VPS13B: variants seen among roughly 807,000 people sequenced by gnomAD.
VPS13B encodes intermembrane lipid transfer protein VPS13B.
VPS13B carries 285 observed loss-of-function variants against 426.4 expected under a neutral mutation model. That is an observed-to-expected ratio of 0.67 (90% CI 0.61 to 0.74). VPS13B has a LOEUF of 0.74. VPS13B is among the 30% of genes least tolerant of loss of function. The probability of loss-of-function intolerance (pLI) is 0.00; values close to 1 mark genes in which losing one functional copy is unlikely to be tolerated. For missense variants in VPS13B, 4,537 were observed against 4,782.6 expected (o/e 0.95, Z 1.51); for synonymous variants, 1,676 against 1,676.4 (o/e 1.00, Z 0.01).
rs1007410442 is a variant in VPS13B at position 99,147,922 on chromosome 8, G to A, written c.1925G>A (p.Ser642Asn). The A allele has an allele frequency of 8.1e-6, 13 of 1,613,568 alleles. No homozygotes were observed. The African/African-American group carries it at 1.3e-4, about 17-fold the overall frequency. The change falls in exon 14 of 62, where the codon AGT (serine) becomes AAT (asparagine). Residue 642 changes from serine to asparagine, a missense_variant. By Grantham distance (46) the Ser-to-Asn change is conservative. Coordinates refer to ENST00000357162, the MANE Select transcript of VPS13B (RefSeq NM_152564.5). ...GAATATATTCCTACTCGACATACAA[G>A]TGTTACTCTCCTCAAATGTACCTGC... is the stretch of plus-strand genomic sequence containing the variant. ...LEEYIPTRHT[S>N]VTLLKCTCTI...
chr8:99,534,320 A>G (rs921756712), intron 30 of VPS13B, among the ~76,000 whole-genome samples: 25 of 152,182 alleles, frequency 1.6e-4, no homozygotes, highest in African/African-American at 5.5e-4. Context: ...GTTGAAAATG[A>G]CGATAAGTTC....
At chr8:99,382,102 T>G (rs530898264) in intron 19 of VPS13B, among the ~76,000 whole-genome samples, 2 of 152,288 alleles carry the variant, frequency 1.3e-5, no homozygotes, top group South Asian at 4.1e-4. Flanking sequence ...CCATTGCCTG[T>G]TTTTTTCAGG....
chr8:99,517,577 A>ATAT (rs1277307507), intron 29 of VPS13B, among the ~76,000 whole-genome samples: 1 of 152,122 alleles, frequency 6.6e-6, no homozygotes, highest in Non-Finnish European at 1.5e-5. Context: ...TTCAACCTGG[A>ATAT]TATTATTTAC....
intron 33 of VPS13B, among the ~76,000 whole-genome samples, chr8:99,627,982 A>G (rs1307884042): frequency 1.3e-5 from 2 of 152,208 alleles, no homozygotes; most frequent in African/African-American, 4.8e-5. Flanking sequence ...GTACTGTGGC[A>G]GAAAAGTAGT....
chr8:99,599,879 G>A (rs1486162335), intron 33 of VPS13B, among the ~76,000 whole-genome samples: 1 of 152,086 alleles, frequency 6.6e-6, no homozygotes, highest in Non-Finnish European at 1.5e-5. Context: ...TCTTTCTGAA[G>A]ACTGGCCCAT....
At chr8:99,493,857 A>C (rs1402323523) in intron 25 of VPS13B, among the ~76,000 whole-genome samples, 2 of 151,842 alleles carry the variant, frequency 1.3e-5, no homozygotes, top group African/African-American at 4.8e-5. Flanking sequence ...CATATGGACA[A>C]AGGACCCTAA....
chr8:99,620,161 G>T (rs764319124), intron 33 of VPS13B, among the ~76,000 whole-genome samples: 2 of 151,936 alleles, frequency 1.3e-5, no homozygotes, highest in Admixed American at 6.6e-5. Context: ...GAAAATTTTC[G>T]TGATGACATT....
Position 99,442,554 on chromosome 8 carries a change from A to C in VPS13B, c.3364A>C (p.Lys1122Gln). 2 of 1,613,960 alleles carry C rather than the reference A, an allele frequency of 1.2e-6. No homozygotes were observed. Among genetic ancestry groups the C allele is most frequent in the Non-Finnish European group, 1.7e-6 (2 of 1,179,908 alleles). The change falls in exon 23 of 62, where the codon AAG becomes CAG. Residue 1122 changes from lysine to glutamine, a missense_variant. Around this residue, in one of 2 missense-constraint regions of VPS13B, gnomAD observed 4,311 missense variants for 4,474.3 expected, o/e 0.96. Coordinates refer to ENST00000357162, the MANE Select transcript of VPS13B (RefSeq NM_152564.5). Reference sequence around the variant, plus strand: ...ACTTGTCCTCTGTTTGCCTCAAATAAAGATTATTAGTGCTGGGCACAAGTA... The same window carrying C: ...ACTTGTCCTCTGTTTGCCTCAAATACAGATTATTAGTGCTGGGCACAAGTA... ...GTLVLCLPQI[K>Q]IISAGHKYME...
intron 30 of VPS13B, among the ~76,000 whole-genome samples, chr8:99,533,086 C>T (rs909319330): frequency 1.4e-4 from 21 of 151,522 alleles, no homozygotes; most frequent in African/African-American, 4.4e-4. Flanking sequence ...ATTACAGGCA[C>T]GCACAACCAC....
At chr8:99,231,532 T>C (rs1402227003) in intron 17 of VPS13B, among the ~76,000 whole-genome samples, 3 of 152,212 alleles carry the variant, frequency 2.0e-5, no homozygotes, top group Non-Finnish European at 4.4e-5. Flanking sequence ...AAGGTTTGTC[T>C]AAAAGAAGGC....
chr8:99,351,433 A>AGTGTGTGTGTGTGT (rs1170377671), intron 19 of VPS13B, among the ~76,000 whole-genome samples: 3 of 143,894 alleles, frequency 2.1e-5, no homozygotes, highest in African/African-American at 7.8e-5. Context: ...AGAGAGAGAG[A>AGTGTGTGTGTGTGT]GAGTGTGTGT....
intron 27 of VPS13B, among the ~76,000 whole-genome samples, chr8:99,504,682 A>G (rs752866038): frequency 6.6e-6 from 1 of 152,170 alleles, no homozygotes; most frequent in African/African-American, 2.4e-5. Flanking sequence ...AGTTGTTCCC[A>G]TGTATAGAGC....
chr8:99,827,542 A>ATT lies in VPS13B; in HGVS notation c.9330+3576_9330+3577dup, dbSNP rs142426991. Reference sequence around the variant, plus strand: ...AAAAAAGCAGCTCCTGGTTTCGTTGATTTTTTTTTTTTTGAAGAGTTTTTT... The same window carrying ATT: ...AAAAAAGCAGCTCCTGGTTTCGTTGATTTTTTTTTTTTTTTGAAGAGTTTTTT... On this transcript the variant is annotated intron_variant, in intron 51 of 61. Coordinates refer to ENST00000357162, the MANE Select transcript of VPS13B (RefSeq NM_152564.5). 3.9e-3 allele frequency among the ~76,000 whole-genome samples: 533 copies of ATT among 137,030 alleles called. 13 individuals are homozygous for ATT. Among genetic ancestry groups the ATT allele is most frequent in the Admixed American group, 0.017 (234 of 13,780 alleles). 89.9% of individuals were successfully genotyped at this position (137,030 alleles called of 152,430 possible).
intron 19 of VPS13B, among the ~76,000 whole-genome samples, chr8:99,310,529 G>A (rs554062476): frequency 1.3e-5 from 2 of 152,320 alleles, no homozygotes; most frequent in African/African-American, 4.8e-5. Flanking sequence ...GCATCCCAGG[G>A]ATGAAGCCCA....
chr8:99,324,479 C>T (rs1203680171), intron 19 of VPS13B, among the ~76,000 whole-genome samples: 11 of 152,094 alleles, frequency 7.2e-5, no homozygotes, highest in Admixed American at 7.2e-4. Context: ...GCTTGCAGAG[C>T]TGAAAGATTT....
chr8:99,776,891 G>C lies in VPS13B; in HGVS notation c.7364G>C (p.Cys2455Ser), dbSNP rs775188562. ...CFTPWFVPSL[C>S]VSFQFAHLEF... ...ACCCCATGGTTTGTCCCATCCCTTT[G>C]CGTTTCTTTCCAGTTTGCTCACCTG... Residue 2455 changes from cysteine (C) to serine (S), a missense_variant, in exon 41 of 62, where the codon TGC becomes TCC. Physicochemically the swap from Cys to Ser is moderately radical, Grantham distance 112. Around this residue, in one of 2 missense-constraint regions of VPS13B, gnomAD observed 4,311 missense variants for 4,474.3 expected, o/e 0.96. Coordinates refer to ENST00000357162, the MANE Select transcript of VPS13B (RefSeq NM_152564.5). The C allele has an allele frequency of 7.4e-6, 12 of 1,614,024 alleles. No homozygotes were observed. Among genetic ancestry groups the C allele is most frequent in the Non-Finnish European group, 1.0e-5 (12 of 1,179,968 alleles).
At chr8:99,812,218 C>A (rs1332729198) in intron 44 of VPS13B, among the ~76,000 whole-genome samples, 1 of 152,148 alleles carries the variant, frequency 6.6e-6, no homozygotes, top group African/African-American at 2.4e-5. Context: ...TGTTAAATGT[C>A]TTTTTCAATT....
intron 23 of VPS13B, among the ~76,000 whole-genome samples, chr8:99,457,387 T>G (rs79332668): frequency 0.022 from 3,324 of 152,280 alleles, 131 homozygotes; most frequent in African/African-American, 0.076. Context: ...TCTAATTTGT[T>G]GGCATAAAGC....
chr8:99,149,503 A>G (rs555404338), intron 14 of VPS13B, among the ~76,000 whole-genome samples: 2 of 152,238 alleles, frequency 1.3e-5, no homozygotes, highest in East Asian at 1.9e-4. Context: ...TTTTTAGTAG[A>G]GACAGGATTT....
Sources: gnomAD v4.1 joint callset for allele counts (sites outside exome capture counted in the v4.1 genomes callset) on GRCh38, gnomAD v4.1.1 for gene constraint, gnomAD v4.1.1 regional missense constraint, MANE v1.5 for transcripts, NCBI Gene and HGNC (gene_info 2026-07-23, HGNC 2026-07-21) for gene names.